The following NPAS3 variants were observed in gnomAD, a reference collection of about 807,000 sequenced individuals.
NPAS3 encodes neuronal PAS domain protein 3.
A neutral mutation model predicts 73.1 loss-of-function variants in NPAS3; 14 were observed. The observed-to-expected ratio is 0.19, with a 90% CI of 0.13 to 0.30. NPAS3 has a LOEUF of 0.30. Ranked by LOEUF, NPAS3 falls within the 10% of genes least tolerant of loss-of-function variation. The pLI is 1.00. For missense variants in NPAS3, 1,096 were observed against 1,250.0 expected, an observed-to-expected ratio of 0.88 and a Z score of 1.86; for synonymous variants, 620 against 541.5, an observed-to-expected ratio of 1.14 and a Z score of -2.01.
At chr14:33,141,947 A>G (rs980879676) in intron 2 of NPAS3, among the ~76,000 whole-genome samples, 4 of 152,160 alleles carry the variant, frequency 2.6e-5, no homozygotes, top group Admixed American at 6.5e-5. Context: ...TTTTTAGGAC[A>G]TTTCTTAATT....
At position 33,300,614 on chromosome 14, in the gene NPAS3, T is replaced by A. The variant is rs17100598; in HGVS notation, c.386-66572T>A. On this transcript the variant is annotated intron_variant, in intron 3 of 11. Coordinates refer to ENST00000356141, the Ensembl canonical transcript of NPAS3. ...GACCCACAGGAGGAGTGGGCAGAGC[T>A]GGAGTTCTCATCCCCAGAACCTAGC... 8.9e-3 allele frequency among the ~76,000 whole-genome samples: 1,350 copies of A among 152,226 alleles called. 21 individuals are homozygous for A. Among genetic ancestry groups the A allele is most frequent in the African/African-American group, 0.031 (1,274 of 41,536 alleles).
At chr14:33,386,167 T>C (rs1285282378) in intron 4 of NPAS3, among the ~76,000 whole-genome samples, 1 of 152,132 alleles carries the variant, frequency 6.6e-6, no homozygotes, top group East Asian at 1.9e-4. Context: ...ACTCTTGATA[T>C]ATTTATTCTA....
At chr14:33,739,524 C>A (rs1309584732) in intron 7 of NPAS3, among the ~76,000 whole-genome samples, 2 of 152,148 alleles carry the variant, frequency 1.3e-5, no homozygotes, top group African/African-American at 4.8e-5. Flanking sequence ...CTTCTCTAAG[C>A]CCAAACATAG....
intron 6 of NPAS3, among the ~76,000 whole-genome samples, chr14:33,716,943 G>C (rs2060973400): frequency 6.6e-6 from 1 of 151,642 alleles, no homozygotes; most frequent in Non-Finnish European, 1.5e-5. Flanking sequence ...TCAATCTTTT[G>C]AAAAGTGTTG....
At position 33,341,545 on chromosome 14, in the gene NPAS3, G is replaced by T. The variant is rs1170926397; in HGVS notation, c.386-25641G>T. On this transcript the variant is annotated intron_variant, in intron 3 of 11. Transcript: ENST00000356141. Reference sequence around the variant, plus strand: ...ACAGAGAGGGAGAGGGAGAGGGAAAGGGATGCGGGAGGGAAGTGGGGATGG... The same window carrying T: ...ACAGAGAGGGAGAGGGAGAGGGAAATGGATGCGGGAGGGAAGTGGGGATGG... Among the ~76,000 whole-genome samples the T allele has an allele frequency of 2.0e-5, 3 of 152,216 alleles. No homozygotes were observed. The East Asian group carries it at 5.8e-4, about 29-fold the overall frequency.
chr14:33,787,429 A>G (rs1265269453), intron 9 of NPAS3, among the ~76,000 whole-genome samples: 1 of 152,178 alleles, frequency 6.6e-6, no homozygotes, highest in Admixed American at 6.5e-5. Flanking sequence ...TAAATCACAC[A>G]GATAGCAATT....
chr14:33,094,542 T>C (rs2042340874), intron 2 of NPAS3, among the ~76,000 whole-genome samples: 1 of 151,680 alleles, frequency 6.6e-6, no homozygotes, highest in African/African-American at 2.4e-5. Flanking sequence ...CTCAGCTCAC[T>C]GCAACCTCCA....
intron 3 of NPAS3, among the ~76,000 whole-genome samples, chr14:33,299,467 C>A (rs181269986): frequency 6.8e-4 from 103 of 152,238 alleles, no homozygotes; most frequent in Non-Finnish European, 3.5e-4. Flanking sequence ...CATCTTACCA[C>A]CTCATAGAGC....
chr14:33,430,782 A>G (rs1405106470), intron 4 of NPAS3, among the ~76,000 whole-genome samples: 2 of 152,164 alleles, frequency 1.3e-5, no homozygotes, highest in African/African-American at 4.8e-5. Context: ...TTCTTGTTTA[A>G]TGAGAGGAGT....
intron 4 of NPAS3, among the ~76,000 whole-genome samples, chr14:33,457,443 C>T (rs751516279): frequency 6.6e-6 from 1 of 152,194 alleles, no homozygotes; most frequent in Non-Finnish European, 1.5e-5. Context: ...TCAACATTTA[C>T]AGGGTTCTAA....
At chr14:33,680,681 A>C in intron 6 of NPAS3, 1 of 701,376 alleles carries the variant, frequency 1.4e-6, no homozygotes, top group Non-Finnish European at 2.6e-6. Context: ...ATCCTACTTC[A>C]GAGAGAACTC....
intron 4 of NPAS3, among the ~76,000 whole-genome samples, chr14:33,541,044 T>G (rs558152606): frequency 9.9e-5 from 15 of 151,954 alleles, no homozygotes; most frequent in Non-Finnish European, 1.8e-4. Context: ...ACCAGTTCTA[T>G]ACCCAGTTAT....
chr14:33,752,428 G>A (rs1348290559), intron 7 of NPAS3, among the ~76,000 whole-genome samples: 1 of 152,086 alleles, frequency 6.6e-6, no homozygotes, highest in African/African-American at 2.4e-5. Context: ...GATAGAAGGG[G>A]ACATCATCCC....
At chr14:33,629,909 G>C (rs1284679836) in intron 5 of NPAS3, among the ~76,000 whole-genome samples, 2 of 152,108 alleles carry the variant, frequency 1.3e-5, no homozygotes, top group Non-Finnish European at 2.9e-5. Flanking sequence ...CAATGAGCCA[G>C]CAAGATTCTT....
rs570474863 is a variant in NPAS3, at chr14:33,720,911, C to T, written c.734-14303C>T. On this transcript the variant is annotated intron_variant, in intron 6 of 11. Transcript: ENST00000356141. ...AGGAAAAAAAATAACAGCCTGGGCT[C>T]TTGGGTAGTGAAAATACAATGTAGG... Among the ~76,000 whole-genome samples the T allele has an allele frequency of 2.5e-4, 38 of 152,156 alleles. No individual in the cohort carries two copies. In the South Asian group the frequency reaches 4.2e-3, roughly 17 times the overall value.
intron 4 of NPAS3, among the ~76,000 whole-genome samples, chr14:33,548,218 C>G (rs2054936302): frequency 6.6e-6 from 1 of 152,174 alleles, no homozygotes; most frequent in Non-Finnish European, 1.5e-5. Flanking sequence ...CCACTTTAGT[C>G]TACAATTAGT....
chr14:33,040,441 T>C (rs368595073), intron 1 of NPAS3, among the ~76,000 whole-genome samples: 1 of 152,274 alleles, frequency 6.6e-6, no homozygotes, highest in East Asian at 1.9e-4. Context: ...TGGGGTACTT[T>C]ATATAATAAT....
At chr14:33,689,407 A>G (rs904607320) in intron 6 of NPAS3, among the ~76,000 whole-genome samples, 1 of 152,180 alleles carries the variant, frequency 6.6e-6, no homozygotes, top group African/African-American at 2.4e-5. Context: ...AATTCTGTTG[A>G]ACTAAGCATC....
intron 3 of NPAS3, among the ~76,000 whole-genome samples, chr14:33,292,907 CTG>C (rs1476696340): frequency 6.6e-6 from 1 of 152,144 alleles, no homozygotes; most frequent in African/African-American, 2.4e-5. Flanking sequence ...TTTCAAGAGA[CTG>C]AGAACTTTCT....
Sources: gnomAD v4.1 joint callset for allele counts (sites outside exome capture counted in the v4.1 genomes callset) on GRCh38, gnomAD v4.1.1 for gene constraint, MANE v1.5 for transcripts, NCBI Gene and HGNC (gene_info 2026-07-23, HGNC 2026-07-21) for gene names.